The following NSUN6 variants were observed in gnomAD, a reference collection of about 807,000 sequenced individuals.
NSUN6 encodes the protein NOP2/Sun RNA methyltransferase 6.
Under a neutral mutation model 58.0 loss-of-function variants are expected in NSUN6, and 64 were observed. The observed-to-expected ratio is 1.10, with a 90% confidence interval of 0.90 to 1.36. The LOEUF is 1.36. Ranked by LOEUF, NSUN6 falls within the 40% of genes most tolerant of loss-of-function variation. The pLI is 0.00. For synonymous variants in NSUN6, 231 were observed against 193.9 expected (o/e 1.19, Z -1.59); for missense variants, 701 against 550.1 (o/e 1.27, Z -2.74).
intron 3 of NSUN6, among the ~76,000 whole-genome samples, chr10:18,630,864 A>G (rs1417825624): frequency 6.6e-6 from 1 of 152,128 alleles, no homozygotes; most frequent in African/African-American, 2.4e-5. Flanking sequence ...AACTATTCCA[A>G]TCAATAGAAA....
intron 9 of NSUN6, among the ~76,000 whole-genome samples, chr10:18,548,875 T>G (rs2054442470): frequency 6.6e-6 from 1 of 152,224 alleles, no homozygotes; most frequent in Non-Finnish European, 1.5e-5. Context: ...CCTTTATGCC[T>G]CTTTTTCTGA....
At chr10:18,577,851 T>C (rs1169915513) in intron 8 of NSUN6, among the ~76,000 whole-genome samples, 6 of 152,180 alleles carry the variant, frequency 3.9e-5, no homozygotes, top group African/African-American at 1.4e-4. Flanking sequence ...CACCCTGTCA[T>C]TCTCTTTAAA....
In NSUN6 at chr10:18,551,979, G is replaced by A; in HGVS notation, c.923-8C>T. ...GTAGAAATGGAGGTTCTCCTATAAA[G>A]AGAATTATAATCATGTTTACTATCT... On this transcript the variant is annotated splice_region_variant and splice_polypyrimidine_tract_variant and intron_variant, in intron 8 of 10. Coordinates refer to ENST00000377304, the MANE Select transcript of NSUN6 (RefSeq NM_182543.5). 2.5e-6 allele frequency: 4 copies of A among 1,574,450 alleles called. No homozygotes were observed. Among genetic ancestry groups the A allele is most frequent in the Non-Finnish European group, 3.5e-6 (4 of 1,147,594 alleles).
rs116704215 is a variant in NSUN6, at chr10:18,552,093, T to C, written c.923-122A>G. 1,644 of 624,956 alleles carry C rather than the reference T, an allele frequency of 2.6e-3. 24 individuals carry two copies. In the African/African-American group the frequency reaches 0.028, roughly 11 times the overall value. 38.7% of individuals were successfully genotyped at this position (624,956 alleles called of 1,614,324 possible). ...TAAAAAAATGAAACAATTTCTCCCTTCAATCAAGTAGCTGGTTAAACTAAT... is the reference window on the plus strand; with the variant it reads ...TAAAAAAATGAAACAATTTCTCCCTCCAATCAAGTAGCTGGTTAAACTAAT... On this transcript the variant is annotated intron_variant, in intron 8 of 10. Coordinates refer to ENST00000377304, the MANE Select transcript of NSUN6 (RefSeq NM_182543.5).
At chr10:18,595,230 A>C (rs908043091) in intron 7 of NSUN6, among the ~76,000 whole-genome samples, 1 of 152,170 alleles carries the variant, frequency 6.6e-6, no homozygotes, top group African/African-American at 2.4e-5. Context: ...GAGCCCCCAA[A>C]ATGTTTAGTT....
rs370933567 is a variant in NSUN6 at position 18,648,697 on chromosome 10, A to T, written c.76-52T>A. On this transcript the variant is annotated intron_variant, in intron 1 of 10. Coordinates refer to ENST00000377304, the MANE Select transcript of NSUN6 (RefSeq NM_182543.5). The stretch of plus-strand genomic sequence containing the variant: ...CCTGAGAATTAAAAACAGTCAGCAG[A>T]GCATCCTTATATATTAATTCCATCT... 6.8e-6 allele frequency: 7 copies of T among 1,028,088 alleles called. No individual in the cohort carries two copies. In the South Asian group the frequency reaches 9.6e-5, roughly 14 times the overall value. 63.7% of individuals were successfully genotyped at this position (1,028,088 alleles called of 1,614,324 possible). A position where few individuals can be genotyped will look rare whatever the true frequency, so the allele number is the denominator to read the frequency against.
chr10:18,616,656 T>A (rs2058421338), intron 3 of NSUN6, among the ~76,000 whole-genome samples: 1 of 152,234 alleles, frequency 6.6e-6, no homozygotes, highest in Non-Finnish European at 1.5e-5. Flanking sequence ...AAAACATTTC[T>A]AAAGTGGTAA....
chr10:18,564,035 A>T (rs1042171670), intron 8 of NSUN6, among the ~76,000 whole-genome samples: 1 of 149,396 alleles, frequency 6.7e-6, no homozygotes, highest in African/African-American at 2.5e-5. Flanking sequence ...TACATTTTAC[A>T]TTCCATTCTC....
intron 5 of NSUN6, among the ~76,000 whole-genome samples, chr10:18,611,428 A>G (rs1197989738): frequency 6.6e-6 from 1 of 152,136 alleles, no homozygotes; most frequent in Non-Finnish European, 1.5e-5. Flanking sequence ...TGTTGGCAGG[A>G]TAAGTTTATG....
chr10:18,649,916 A>C (rs2059655591), intron 1 of NSUN6, among the ~76,000 whole-genome samples: 1 of 152,226 alleles, frequency 6.6e-6, no homozygotes, highest in African/African-American at 2.4e-5. Flanking sequence ...ACCTCAAGCT[A>C]ATCTTTGGAA....
chr10:18,617,778 T>C lies in NSUN6; in HGVS notation c.312-1485A>G, dbSNP rs545885565. Among the ~76,000 whole-genome samples, 135 of 152,216 alleles carry C rather than the reference T, an allele frequency of 8.9e-4. 2 individuals carry two copies. The South Asian group carries it at 0.026, about 29-fold the overall frequency. On this transcript the variant is annotated intron_variant, in intron 3 of 10. Transcript: ENST00000377304. ...CAACAGTGTTGGAATATGAGGCCTA[T>C]TGGGAGCTGTTCAGGTCATGAGTGC...
At chr10:18,563,554 G>C (rs994453431) in intron 8 of NSUN6, among the ~76,000 whole-genome samples, 2 of 150,656 alleles carry the variant, frequency 1.3e-5, no homozygotes, top group African/African-American at 2.4e-5. Context: ...AGAATGGAAA[G>C]TGGAATGGAA....
At chr10:18,655,072 A>G, upstream of NSUN6, 4 of 982,782 alleles carry the variant, frequency 4.1e-6, no homozygotes, top group Non-Finnish European at 4.8e-6. Context: ...ATTGGAAATT[A>G]GCACTATAAT....
chr10:18,615,166 T>C (rs2131351522), intron 4 of NSUN6, among the ~76,000 whole-genome samples: 1 of 151,918 alleles, frequency 6.6e-6, no homozygotes, highest in East Asian at 1.9e-4. Flanking sequence ...CGTGTGTGTA[T>C]ACACTTAGAA....
rs548902500 is a variant in NSUN6 at position 18,549,905 on chromosome 10, A to G, written c.1072-1668T>C. ...TCAATAAATCCTTATAACAACCACAAAGTAAGATGACTATCACCAATGAGG... is the reference window on the plus strand; with the variant it reads ...TCAATAAATCCTTATAACAACCACAGAGTAAGATGACTATCACCAATGAGG... On this transcript the variant is annotated intron_variant, in intron 9 of 10. Transcript: ENST00000377304. 2.0e-5 allele frequency among the ~76,000 whole-genome samples: 3 copies of G among 152,348 alleles called. No homozygotes were observed. The South Asian group carries it at 6.2e-4, about 32-fold the overall frequency.
At chr10:18,619,276 G>C (rs1013394084) in intron 3 of NSUN6, among the ~76,000 whole-genome samples, 19 of 152,296 alleles carry the variant, frequency 1.2e-4, no homozygotes, top group African/African-American at 4.3e-4. Context: ...TTCCAATTTA[G>C]GTTGCAGCAA....
At chr10:18,614,360 A>AAT in intron 5 of NSUN6, 100 bp downstream of exon 5, 1 of 722,586 alleles carries the variant, frequency 1.4e-6, no homozygotes, top group Non-Finnish European at 2.0e-6. Flanking sequence ...ACCAAAAAAA[A>AAT]AAATTTCATA....
At chr10:18,652,599 C>G, upstream of NSUN6, 1 of 939,612 alleles carries the variant, frequency 1.1e-6, no homozygotes, top group Non-Finnish European at 1.3e-6. Context: ...GAGTCTCTGT[C>G]GCCCAGACTG....
rs373614347 is a variant in NSUN6, at chr10:18,545,876, A to AAAAAAAAC, written c.*56_*57insGTTTTTTT. 1.9e-6 allele frequency: 2 copies of AAAAAAAAC among 1,070,672 alleles called. No homozygotes were observed. The highest frequency in any genetic ancestry group is 1.4e-5 in the South Asian group (1 of 73,462). 66.3% of individuals were successfully genotyped at this position (1,070,672 alleles called of 1,614,324 possible). A position where few individuals can be genotyped will look rare whatever the true frequency, so the allele number is the denominator to read the frequency against. ...CCTGACAACACTTTGGTTAAAAAAA[A>AAAAAAAAC]AAAAACCACAGACAGCAAATGTTTG... On this transcript the variant is annotated 3_prime_UTR_variant, in exon 11 of 11. Transcript: ENST00000377304.
Sources: allele counts gnomAD v4.1 joint callset (sites outside exome capture counted in the v4.1 genomes callset), GRCh38; gene constraint gnomAD v4.1.1; transcripts MANE v1.5; gene names NCBI Gene and HGNC (gene_info 2026-07-23, HGNC 2026-07-21).